SIM1: variants seen among roughly 807,000 people sequenced by gnomAD.
The protein encoded by SIM1 is SIM bHLH transcription factor 1.
A neutral mutation model predicts 78.2 loss-of-function variants in SIM1; 18 were observed. That is an observed-to-expected ratio of 0.23 (90% CI 0.16 to 0.34). SIM1 has a LOEUF of 0.34. Among genes scored for constraint, SIM1 ranks in the 10% least tolerant of loss-of-function variants. The pLI, the probability that SIM1 is intolerant of heterozygous loss-of-function variation, is 1.00. For missense variants in SIM1, 939 were observed against 975.1 expected (o/e 0.96, Z 0.49); for synonymous variants, 417 against 385.2 (o/e 1.08, Z -0.97).
intron 9 of SIM1, among the ~76,000 whole-genome samples, chr6:100,439,830 C>T (rs548703232): frequency 6.6e-6 from 1 of 152,230 alleles, no homozygotes; most frequent in South Asian, 2.1e-4. Context: ...AAAGAAAGTG[C>T]TCAATAAATG....
chr6:100,463,263 T>G, intron 2 of SIM1, 31 bp downstream of exon 2: 1 of 1,583,114 alleles, frequency 6.3e-7, no homozygotes, highest in Middle Eastern at 1.7e-4. Context: ...CCCTTCTGCC[T>G]TTGAAATTCC....
intron 10 of SIM1, among the ~76,000 whole-genome samples, chr6:100,406,995 C>A (rs1277038389): frequency 1.3e-5 from 2 of 152,158 alleles, no homozygotes; most frequent in Admixed American, 6.5e-5. Context: ...CCCCCACCCT[C>A]CAAGCCCTGA....
At chr6:100,427,836 G>A (rs900378214) in intron 9 of SIM1, among the ~76,000 whole-genome samples, 3 of 152,218 alleles carry the variant, frequency 2.0e-5, no homozygotes, top group Non-Finnish European at 2.9e-5. Flanking sequence ...GTCTTACAGT[G>A]TGGTGGCTTC....
At chr6:100,460,289 C>A (rs1772809056) in intron 2 of SIM1, among the ~76,000 whole-genome samples, 1 of 151,792 alleles carries the variant, frequency 6.6e-6, no homozygotes, top group Admixed American at 6.6e-5. Flanking sequence ...AAGGAAATTG[C>A]CTGTATTTAA....
chr6:100,417,239 A>C (rs768388457), intron 10 of SIM1, among the ~76,000 whole-genome samples: 1 of 152,168 alleles, frequency 6.6e-6, no homozygotes. Flanking sequence ...CACTTTCCTC[A>C]GCTAGGCCAG....
intron 10 of SIM1, among the ~76,000 whole-genome samples, chr6:100,411,698 G>A (rs542648415): frequency 1.6e-4 from 24 of 152,194 alleles, no homozygotes; most frequent in Admixed American, 1.1e-3. Flanking sequence ...AAAAAGACAC[G>A]TCATTACTTT....
At chr6:100,392,897 G>A (rs566596049) in intron 11 of SIM1, among the ~76,000 whole-genome samples, 1 of 152,242 alleles carries the variant, frequency 6.6e-6, no homozygotes, top group African/African-American at 2.4e-5. Flanking sequence ...ATAAAGCCAT[G>A]TAATTATCCC....
At chr6:100,393,362 C>T in intron 11 of SIM1, 125 bp downstream of exon 11, 1 of 853,800 alleles carries the variant, frequency 1.2e-6, no homozygotes, top group Non-Finnish European at 1.6e-6. Context: ...TGTTTTTAAT[C>T]CCATTGGTTC....
At chr6:100,450,696 TCA>T (rs112151329) in intron 3 of SIM1, among the ~76,000 whole-genome samples, 2,182 of 91,812 alleles carry the variant, frequency 0.024, 43 homozygotes, top group African/African-American at 0.06. Context: ...TCTCTCTCTC[TCA>T]CACACACACA....
intron 9 of SIM1, among the ~76,000 whole-genome samples, chr6:100,426,709 TC>T (rs35877562): frequency 0.014 from 2,160 of 152,336 alleles, 64 homozygotes; most frequent in African/African-American, 0.05. Context: ...TTTTATCAGT[TC>T]TTGTTGATTC....
rs1401001116 is a variant in SIM1, at chr6:100,392,103, G to A, written c.1571-1012C>T. Among the ~76,000 whole-genome samples, 6 of 152,272 alleles carry A rather than the reference G, an allele frequency of 3.9e-5. No individual in the cohort carries two copies. The East Asian group carries it at 1.2e-3, about 29-fold the overall frequency. On this transcript the variant is annotated intron_variant, in intron 11 of 11. Coordinates refer to ENST00000369208, the MANE Select transcript of SIM1 (RefSeq NM_005068.3). The stretch of plus-strand genomic sequence containing the variant: ...ACAGGAGAATTGCTTGAACCCGGGA[G>A]GCAGAGGTTGCAGTGAGCCGAGATC...
At chr6:100,450,665 G>GTCTCTCTCTCTC (rs374252955) in intron 3 of SIM1, among the ~76,000 whole-genome samples, 1,181 of 117,094 alleles carry the variant, frequency 0.01, 10 homozygotes, top group Middle Eastern at 0.027. Flanking sequence ...CACACACACT[G>GTCTCTCTCTCTC]TCTCTCTCTC....
At chr6:100,430,258 T>C (rs527622010) in intron 9 of SIM1, among the ~76,000 whole-genome samples, 147 of 152,330 alleles carry the variant, frequency 9.7e-4, no homozygotes, top group Admixed American at 1.6e-3. Context: ...AGTTTAAACA[T>C]ATTTGTGACT....
intron 9 of SIM1, 22 bp from the exon 10 acceptor site, chr6:100,420,980 C>T (rs752107259): frequency 6.2e-7 from 1 of 1,606,030 alleles, no homozygotes; most frequent in Non-Finnish European, 8.5e-7. Flanking sequence ...GAGGACAAAG[C>T]CCTTAATCAG....
Position 100,389,818 on chromosome 6 carries a change from T to C in SIM1, c.*543A>G. ...TGCCTGAACCAAATGAGCTGGCTGATTTGAAACCACAAAGAAGTCAGTTTA... is the reference window on the plus strand; with the variant it reads ...TGCCTGAACCAAATGAGCTGGCTGACTTGAAACCACAAAGAAGTCAGTTTA... On this transcript the variant is annotated 3_prime_UTR_variant, in exon 12 of 12. Transcript: ENST00000369208. 7.5e-6 allele frequency: 3 copies of C among 398,770 alleles called. No individual in the cohort carries two copies. Among genetic ancestry groups the C allele is most frequent in the Non-Finnish European group, 1.3e-5 (3 of 226,170 alleles). 24.7% of individuals were successfully genotyped at this position (398,770 alleles called of 1,614,324 possible).
At chr6:100,428,381 G>C (rs1771791520) in intron 9 of SIM1, among the ~76,000 whole-genome samples, 1 of 151,972 alleles carries the variant, frequency 6.6e-6, no homozygotes, top group South Asian at 2.1e-4. Flanking sequence ...ATCTACAATA[G>C]AAAAATAAGA....
At chr6:100,399,750 T>A (rs1562234226) in intron 10 of SIM1, among the ~76,000 whole-genome samples, 1 of 152,082 alleles carries the variant, frequency 6.6e-6, no homozygotes, top group African/African-American at 2.4e-5. Context: ...ATGACAGCAT[T>A]GAGTCAAACA....
chr6:100,392,045 G>A (rs984106349), intron 11 of SIM1, among the ~76,000 whole-genome samples: 1 of 152,012 alleles, frequency 6.6e-6, no homozygotes, highest in African/African-American at 2.4e-5. Flanking sequence ...GTGGTGGCAG[G>A]CCCCTATAAT....
At chr6:100,457,996 GTCTCTCTCTTTCTCTCTCTCTCTCTC>G (rs1772717954) in intron 2 of SIM1, among the ~76,000 whole-genome samples, 1 of 107,726 alleles carries the variant, frequency 9.3e-6, no homozygotes, top group Non-Finnish European at 2.0e-5. Flanking sequence ...ACCGCTGTCT[GTCTCTCTCTTTCTCTCTCTCTCTCTC>G]TCTCTCTCTC....
Sources: gnomAD v4.1 joint callset for allele counts (sites outside exome capture counted in the v4.1 genomes callset) on GRCh38, gnomAD v4.1.1 for gene constraint, MANE v1.5 for transcripts, NCBI Gene and HGNC (gene_info 2026-07-23, HGNC 2026-07-21) for gene names.